SDK1: variants seen among roughly 807,000 people sequenced by gnomAD.
The protein encoded by SDK1 is protein sidekick-1.
In SDK1, 157 loss-of-function variants were observed where a neutral mutation model predicts 245.5. That is an observed-to-expected ratio of 0.64 (90% CI 0.56 to 0.73). The LOEUF (loss-of-function observed/expected upper bound fraction) is 0.73. Among genes scored for constraint, SDK1 ranks in the 30% least tolerant of loss-of-function variants. The pLI is 0.00. For synonymous variants in SDK1, 1,647 were observed against 1,278.5 expected, an observed-to-expected ratio of 1.29 and a Z score of -6.15; for missense variants, 3,583 against 3,002.3, an observed-to-expected ratio of 1.19 and a Z score of -4.52.
chr7:4,194,328 GTA>G (rs1340777695), intron 35 of SDK1, among the ~76,000 whole-genome samples: 1 of 112,924 alleles, frequency 8.9e-6, no homozygotes, highest in Non-Finnish European at 1.8e-5. Context: ...ATGTATGCAC[GTA>G]TGTGTATACA....
intron 1 of SDK1, among the ~76,000 whole-genome samples, chr7:3,471,541 G>C (rs1583907854): frequency 6.6e-6 from 1 of 152,168 alleles, no homozygotes; most frequent in East Asian, 1.9e-4. Context: ...TGAGCCGTCA[G>C]TTTCGATTCT....
chr7:3,987,576 T>C (rs1407806876), intron 14 of SDK1, among the ~76,000 whole-genome samples: 5 of 152,138 alleles, frequency 3.3e-5, no homozygotes, highest in Non-Finnish European at 1.5e-5. Context: ...GGGAGGGCTG[T>C]GCACACAGGG....
chr7:3,571,425 C>T (rs1322166482), intron 1 of SDK1, among the ~76,000 whole-genome samples: 3 of 151,970 alleles, frequency 2.0e-5, no homozygotes, highest in Non-Finnish European at 4.4e-5. Context: ...GCCTCAGCCT[C>T]CCAAGTAGCC....
chr7:3,931,182 C>T (rs1035649017), intron 5 of SDK1, among the ~76,000 whole-genome samples: 1 of 152,160 alleles, frequency 6.6e-6, no homozygotes. Context: ...CAGATCAACC[C>T]ATTTTAATTT....
chr7:3,469,938 C>T (rs1012540967), intron 1 of SDK1, among the ~76,000 whole-genome samples: 3 of 152,146 alleles, frequency 2.0e-5, no homozygotes, highest in African/African-American at 7.2e-5. Flanking sequence ...TTATAGATTG[C>T]AGAGATTTGC....
intron 1 of SDK1, among the ~76,000 whole-genome samples, chr7:3,559,038 A>G (rs1407206746): frequency 1.3e-5 from 2 of 152,168 alleles, no homozygotes; most frequent in Non-Finnish European, 2.9e-5. Context: ...TGCATACAGG[A>G]TGTATTTTTT....
intron 20 of SDK1, among the ~76,000 whole-genome samples, chr7:4,069,039 C>G (rs555275780): frequency 6.6e-6 from 1 of 152,258 alleles, no homozygotes; most frequent in East Asian, 1.9e-4. Context: ...TATAATGTCT[C>G]TGAAAAACCT....
At chr7:3,878,492 G>T (rs1214619560) in intron 5 of SDK1, among the ~76,000 whole-genome samples, 1 of 152,150 alleles carries the variant, frequency 6.6e-6, no homozygotes, top group Non-Finnish European at 1.5e-5. Flanking sequence ...ACTCCAGCCT[G>T]GGTGACAGAG....
rs553216793 is a variant in SDK1, at chr7:4,081,582, G to A, written c.3324+1998G>A. Among the ~76,000 whole-genome samples the A allele has an allele frequency of 2.0e-5, 3 of 152,012 alleles. No individual in the cohort carries two copies. In the South Asian group the frequency reaches 6.3e-4, roughly 32 times the overall value. ...GCTACAGGCACCCGCCACCCACCCA[G>A]CCAATTTTTTGTATTTTAGTAGAGA... On this transcript the variant is annotated intron_variant, in intron 22 of 44. Coordinates refer to ENST00000404826, the MANE Select transcript of SDK1 (RefSeq NM_152744.4).
intron 5 of SDK1, among the ~76,000 whole-genome samples, chr7:3,871,307 G>T (rs184513249): frequency 6.6e-6 from 1 of 152,140 alleles, no homozygotes; most frequent in African/African-American, 2.4e-5. Flanking sequence ...ATTTACAGAA[G>T]ATTTTTTCAC....
At chr7:4,022,465 G>A (rs1450623579) in intron 17 of SDK1, among the ~76,000 whole-genome samples, 4 of 152,168 alleles carry the variant, frequency 2.6e-5, no homozygotes, top group Non-Finnish European at 5.9e-5. Flanking sequence ...ACCATTAGGC[G>A]GGTGTGGAAC....
intron 1 of SDK1, among the ~76,000 whole-genome samples, chr7:3,453,488 A>G (rs898900974): frequency 6.6e-6 from 1 of 152,196 alleles, no homozygotes; most frequent in Non-Finnish European, 1.5e-5. Context: ...CCTAAATGCC[A>G]GTACAAATAT....
At chr7:4,137,525 T>C (rs595545) in intron 28 of SDK1, among the ~76,000 whole-genome samples, 125,830 of 152,068 alleles carry the variant, frequency 0.83, 52,414 homozygotes, top group African/African-American at 0.92. Flanking sequence ...TGTCTAAATG[T>C]GCAGTGCCAC....
chr7:3,590,362 A>G (rs369015835), intron 1 of SDK1, among the ~76,000 whole-genome samples: 2 of 149,440 alleles, frequency 1.3e-5, no homozygotes, highest in African/African-American at 2.5e-5. Flanking sequence ...ACAAAATACA[A>G]TAGCAAAGAC....
At chr7:4,262,365 C>T (rs569856431) in intron 44 of SDK1, among the ~76,000 whole-genome samples, 1 of 151,450 alleles carries the variant, frequency 6.6e-6, no homozygotes, top group Admixed American at 6.6e-5. Context: ...CACATCAAAC[C>T]GAAAGACCAT....
intron 4 of SDK1, among the ~76,000 whole-genome samples, chr7:3,730,378 A>G (rs1450773935): frequency 6.6e-6 from 1 of 152,200 alleles, no homozygotes; most frequent in Non-Finnish European, 1.5e-5. Flanking sequence ...CTCTGGAGTG[A>G]AGCCAGTGAA....
intron 1 of SDK1, among the ~76,000 whole-genome samples, chr7:3,444,594 T>C (rs918033339): frequency 2.6e-5 from 4 of 152,182 alleles, no homozygotes; most frequent in Non-Finnish European, 5.9e-5. Flanking sequence ...CACACTCTTC[T>C]GTTGTTCGTT....
intron 1 of SDK1, among the ~76,000 whole-genome samples, chr7:3,511,652 T>C (rs1239465649): frequency 6.6e-6 from 1 of 152,102 alleles, no homozygotes; most frequent in African/African-American, 2.4e-5. Flanking sequence ...GTGGTAGTAT[T>C]TACCAATTAT....
At chr7:3,497,237 A>T (rs183166012) in intron 1 of SDK1, among the ~76,000 whole-genome samples, 1 of 152,326 alleles carries the variant, frequency 6.6e-6, no homozygotes. Flanking sequence ...TATTTTTTAA[A>T]TTGGTTTGCC....
Sources: gnomAD v4.1 joint callset for allele counts (sites outside exome capture counted in the v4.1 genomes callset) on GRCh38, gnomAD v4.1.1 for gene constraint, MANE v1.5 for transcripts, NCBI Gene and HGNC (gene_info 2026-07-23, HGNC 2026-07-21) for gene names.